ANKRD55: variants seen among roughly 807,000 people sequenced by gnomAD.
ANKRD55 encodes the protein ankyrin repeat domain-containing protein 55.
Under a neutral mutation model 60.6 loss-of-function variants are expected in ANKRD55, and 41 were observed. The observed-to-expected ratio is 0.68, with a 90% CI of 0.53 to 0.88. The LOEUF is 0.88. Among genes scored for constraint, ANKRD55 ranks in the 40% least tolerant of loss-of-function variants. The probability of loss-of-function intolerance (pLI) is 0.00; values close to 1 mark genes in which losing one functional copy is unlikely to be tolerated. For synonymous variants in ANKRD55, 264 were observed against 290.3 expected (o/e 0.91, Z 0.92); for missense variants, 732 against 767.6 (o/e 0.95, Z 0.55).
At chr5:56,129,079 A>C (rs1757345508) in intron 7 of ANKRD55, among the ~76,000 whole-genome samples, 1 of 152,142 alleles carries the variant, frequency 6.6e-6, no homozygotes, top group Non-Finnish European at 1.5e-5. Context: ...CTTAGAAAAC[A>C]CTAGTTTGTA....
intron 3 of ANKRD55, among the ~76,000 whole-genome samples, chr5:56,179,171 G>A (rs1488019369): frequency 6.6e-6 from 1 of 152,160 alleles, no homozygotes; most frequent in Non-Finnish European, 1.5e-5. Context: ...TTATATTTAT[G>A]CAAAGAAGTG....
At chr5:56,219,420 A>G (rs989687961) in intron 2 of ANKRD55, among the ~76,000 whole-genome samples, 1 of 152,174 alleles carries the variant, frequency 6.6e-6, no homozygotes, top group African/African-American at 2.4e-5. Context: ...TCCTCCCTCA[A>G]TATACCTGAT....
chr5:56,219,273 CA>C (rs35909700), intron 2 of ANKRD55, among the ~76,000 whole-genome samples: 4,869 of 96,826 alleles, frequency 0.05, 53 homozygotes, highest in Non-Finnish European at 0.077. Flanking sequence ...ACTCTGCCTC[CA>C]AAAAAAAAAA....
chr5:56,149,210 GA>G (rs1352984778), intron 6 of ANKRD55, among the ~76,000 whole-genome samples: 4 of 152,144 alleles, frequency 2.6e-5, no homozygotes, highest in Non-Finnish European at 5.9e-5. Flanking sequence ...TTCCTAAACT[GA>G]GTAGATAGAC....
intron 7 of ANKRD55, chr5:56,137,367 A>G: frequency 8.0e-7 from 1 of 1,243,946 alleles, no homozygotes; most frequent in Non-Finnish European, 1.2e-6. Flanking sequence ...CTGGACCTAC[A>G]GAGCTCATGG....
At chr5:56,131,701 C>G (rs1333977303) in intron 7 of ANKRD55, among the ~76,000 whole-genome samples, 1 of 140,472 alleles carries the variant, frequency 7.1e-6, no homozygotes, top group African/African-American at 2.7e-5. Flanking sequence ...AAGGCTGAGA[C>G]AGGAGAATCG....
chr5:56,198,634 C>A (rs1463955983), intron 2 of ANKRD55, among the ~76,000 whole-genome samples: 2 of 152,082 alleles, frequency 1.3e-5, no homozygotes, highest in African/African-American at 4.8e-5. Context: ...CTTCCACTCA[C>A]CCTTTTCTCA....
chr5:56,192,583 C>A, intron 2 of ANKRD55: 1 of 491,412 alleles, frequency 2.0e-6, no homozygotes, highest in Non-Finnish European at 3.7e-6. Context: ...TTTTAACCTT[C>A]CTCTATGGAT....
intron 8 of ANKRD55, among the ~76,000 whole-genome samples, chr5:56,119,687 G>A (rs1199734854): frequency 6.6e-6 from 1 of 152,134 alleles, no homozygotes; most frequent in Non-Finnish European, 1.5e-5. Flanking sequence ...GGCAGAGGTG[G>A]GAGATTGCTT....
intron 6 of ANKRD55, among the ~76,000 whole-genome samples, chr5:56,152,862 T>C (rs764675827): frequency 7.2e-5 from 11 of 151,886 alleles, no homozygotes; most frequent in Non-Finnish European, 1.0e-4. Context: ...TAACATAACA[T>C]AATCCAGTTC....
At chr5:56,151,929 ATG>A (rs35943675) in intron 6 of ANKRD55, among the ~76,000 whole-genome samples, 38,202 of 148,450 alleles carry the variant, frequency 0.26, 5,056 homozygotes, top group Middle Eastern at 0.29. Context: ...ATATGTATAT[ATG>A]TATATATGTG....
intron 8 of ANKRD55, 96 bp from the exon 9 acceptor site, chr5:56,116,878 G>A: frequency 7.6e-7 from 1 of 1,315,412 alleles, no homozygotes; most frequent in Admixed American, 3.1e-5. Context: ...TCAGGTTGAG[G>A]TAGGGAAAAT....
chr5:56,209,568 G>C (rs1031769127), intron 2 of ANKRD55, among the ~76,000 whole-genome samples: 1 of 150,878 alleles, frequency 6.6e-6, no homozygotes, highest in African/African-American at 2.4e-5. Flanking sequence ...CTGGGTTCAC[G>C]CCATTCTCCT....
intron 2 of ANKRD55, among the ~76,000 whole-genome samples, chr5:56,187,535 G>A (rs1452085382): frequency 6.6e-6 from 1 of 152,022 alleles, no homozygotes; most frequent in Non-Finnish European, 1.5e-5. Flanking sequence ...CTGAGCTTTC[G>A]CTCACTGTCC....
chr5:56,211,071 C>T (rs368580436), intron 2 of ANKRD55, among the ~76,000 whole-genome samples: 97 of 152,220 alleles, frequency 6.4e-4, no homozygotes, highest in African/African-American at 2.2e-3. Context: ...AGCCAAAGGC[C>T]ATTTCAGGCA....
chr5:56,180,818 T>C (rs1435960824), intron 3 of ANKRD55, among the ~76,000 whole-genome samples: 1 of 152,246 alleles, frequency 6.6e-6, no homozygotes, highest in African/African-American at 2.4e-5. Context: ...CACTTAGTTG[T>C]AGGAGTATGT....
At chr5:56,122,922 T>C (rs538349490) in intron 8 of ANKRD55, among the ~76,000 whole-genome samples, 4 of 151,702 alleles carry the variant, frequency 2.6e-5, no homozygotes, top group Non-Finnish European at 4.4e-5. Flanking sequence ...TGTACCACTA[T>C]GTCCGGCTAA....
intron 2 of ANKRD55, among the ~76,000 whole-genome samples, chr5:56,218,755 T>C (rs1055219651): frequency 6.6e-6 from 1 of 151,884 alleles, no homozygotes; most frequent in South Asian, 2.1e-4. Flanking sequence ...AGAATGCAGA[T>C]GCTAGATTAA....
chr5:56,120,894 C>A (rs1350231764), intron 8 of ANKRD55, among the ~76,000 whole-genome samples: 2 of 124,330 alleles, frequency 1.6e-5, no homozygotes, highest in Non-Finnish European at 3.3e-5. Flanking sequence ...AGGGAGACTC[C>A]GTCTCAAAAA....
Sources: allele counts gnomAD v4.1 joint callset (sites outside exome capture counted in the v4.1 genomes callset), GRCh38; gene constraint gnomAD v4.1.1; transcripts MANE v1.5; gene names NCBI Gene and HGNC (gene_info 2026-07-23, HGNC 2026-07-21).